CAPS2: variants seen among roughly 807,000 people sequenced by gnomAD.
CAPS2 encodes the protein calcyphosin-2.
In CAPS2, 98 loss-of-function variants were observed where a neutral mutation model predicts 86.5. The ratio of observed to expected loss-of-function variants is 1.13; its 90% confidence interval spans 0.96 to 1.34. CAPS2 has a LOEUF of 1.34. Among genes scored for constraint, CAPS2 ranks in the 40% most tolerant of loss-of-function variants. The pLI is 0.00. For synonymous variants in CAPS2, 210 were observed against 225.1 expected (o/e 0.93, Z 0.60); for missense variants, 729 against 686.8 (o/e 1.06, Z -0.69).
intron 1 of CAPS2, among the ~76,000 whole-genome samples, chr12:75,339,248 C>A (rs1351234550): frequency 6.6e-6 from 1 of 152,094 alleles, no homozygotes; most frequent in Non-Finnish European, 1.5e-5. Context: ...TTTTTTCCCG[C>A]AACACTGCCA....
chr12:75,336,009 A>G (rs1161635214), intron 1 of CAPS2, among the ~76,000 whole-genome samples: 1 of 152,000 alleles, frequency 6.6e-6, no homozygotes, highest in Admixed American at 6.5e-5. Context: ...GCAAAATATG[A>G]TAACAATGAA....
upstream of CAPS2, among the ~76,000 whole-genome samples, chr12:75,331,081 G>T (rs974598735): frequency 3.3e-5 from 5 of 152,000 alleles, no homozygotes; most frequent in African/African-American, 1.2e-4. Context: ...CACCATGCCC[G>T]GCCTAAATAT....
chr12:75,279,063 G>T, exon 17 of CAPS2: 1 of 1,586,558 alleles, frequency 6.3e-7, no homozygotes, highest in Non-Finnish European at 8.6e-7. Context: ...TCTGTTGAAT[G>T]GCCTATAAAA....
At chr12:75,357,943 G>A (rs1243607803) in intron 1 of CAPS2, among the ~76,000 whole-genome samples, 1 of 148,468 alleles carries the variant, frequency 6.7e-6, no homozygotes, top group African/African-American at 2.5e-5. Flanking sequence ...AAGAAACTAG[G>A]GGACAAAAAA....
intron 1 of CAPS2, among the ~76,000 whole-genome samples, chr12:75,346,923 T>C (rs945508943): frequency 6.6e-6 from 1 of 152,114 alleles, no homozygotes; most frequent in Non-Finnish European, 1.5e-5. Context: ...AGTATTTTTT[T>C]CCCTTTTTTG....
At chr12:75,353,445 G>A (rs1182603105) in intron 1 of CAPS2, among the ~76,000 whole-genome samples, 2 of 152,158 alleles carry the variant, frequency 1.3e-5, no homozygotes, top group Non-Finnish European at 2.9e-5. Context: ...ACTGAACCAG[G>A]AAGAAGTTGA....
intron 1 of CAPS2, among the ~76,000 whole-genome samples, chr12:75,325,814 G>GT (rs755363520): frequency 3.9e-4 from 60 of 152,120 alleles, no homozygotes; most frequent in Non-Finnish European, 7.8e-4. Context: ...GTGAGGGGGG[G>GT]TAGGGCCAAG....
chr12:75,374,076 C>A (rs759744458), intron 1 of CAPS2, among the ~76,000 whole-genome samples: 16 of 152,182 alleles, frequency 1.1e-4, no homozygotes, highest in Non-Finnish European at 2.4e-4. Context: ...GATAGCAGGG[C>A]TTTGCTCCAA....
chr12:75,319,675 T>A (rs1235670800), intron 5 of CAPS2, among the ~76,000 whole-genome samples: 1 of 152,192 alleles, frequency 6.6e-6, no homozygotes, highest in East Asian at 1.9e-4. Flanking sequence ...AGTTGACTCA[T>A]GTATCATACT....
intron 15 of CAPS2, among the ~76,000 whole-genome samples, chr12:75,282,781 TA>T (rs1179650239): frequency 6.6e-6 from 1 of 152,202 alleles, no homozygotes; most frequent in African/African-American, 2.4e-5. Flanking sequence ...CAAGACATTT[TA>T]AAAGTACTAT....
chr12:75,328,694 T>A (rs1277712345), upstream of CAPS2, among the ~76,000 whole-genome samples: 1 of 152,226 alleles, frequency 6.6e-6, no homozygotes, highest in African/African-American at 2.4e-5. Context: ...TTCAATTAGA[T>A]AAGATGTTTA....
chr12:75,365,714 T>C (rs986244463), intron 1 of CAPS2, among the ~76,000 whole-genome samples: 2 of 152,136 alleles, frequency 1.3e-5, no homozygotes, highest in African/African-American at 4.8e-5. Flanking sequence ...ACCTACAGTA[T>C]TTATAAAAAC....
intron 1 of CAPS2, among the ~76,000 whole-genome samples, chr12:75,342,059 T>C (rs566877322): frequency 3.8e-4 from 58 of 152,260 alleles, no homozygotes; most frequent in African/African-American, 1.3e-3. Flanking sequence ...TTATACAACA[T>C]TCTTGAAATA....
At chr12:75,357,499 A>C (rs2043229203) in intron 1 of CAPS2, among the ~76,000 whole-genome samples, 1 of 152,102 alleles carries the variant, frequency 6.6e-6, no homozygotes, top group Non-Finnish European at 1.5e-5. Context: ...GAACACTCTC[A>C]AGCAACTTTA....
At chr12:75,375,527 T>A (rs985189396) in intron 1 of CAPS2, among the ~76,000 whole-genome samples, 2 of 152,204 alleles carry the variant, frequency 1.3e-5, no homozygotes, top group African/African-American at 4.8e-5. Flanking sequence ...TTCAAGGGGA[T>A]CCAGCCTCCT....
Position 75,388,984 on chromosome 12 carries a change from TA to T in CAPS2, c.-395+1853del, listed in dbSNP as rs887699599. The stretch of plus-strand genomic sequence containing the variant: ...AGTCTATTTTTAGAAAAGGAATTGG[TA>T]AAAAAAACAAAACAAAACAAAAAAA... On this transcript the variant is annotated intron_variant, in intron 1 of 5. Transcript: ENST00000551829. Among the ~76,000 whole-genome samples the T allele has an allele frequency of 6.6e-5, 10 of 151,784 alleles. No individual in the cohort carries two copies. In the South Asian group the frequency reaches 1.5e-3, roughly 22 times the overall value.
intron 2 of CAPS2, 37 bp from the exon 4 acceptor site, chr12:75,323,259 A>T (rs1319876913): frequency 6.7e-7 from 1 of 1,488,440 alleles, no homozygotes; most frequent in Non-Finnish European, 9.1e-7. Context: ...TAACTTTTTA[A>T]CATGAAACTT....
chr12:75,347,156 T>C (rs1290670880), intron 1 of CAPS2, among the ~76,000 whole-genome samples: 1 of 152,018 alleles, frequency 6.6e-6, no homozygotes, highest in Non-Finnish European at 1.5e-5. Context: ...ACCTATGTCT[T>C]GTGACTTGAC....
intron 1 of CAPS2, among the ~76,000 whole-genome samples, chr12:75,335,439 A>G (rs2041662041): frequency 6.6e-6 from 1 of 152,196 alleles, no homozygotes; most frequent in Non-Finnish European, 1.5e-5. Context: ...AATTTACAAA[A>G]TTTTAAATAC....
Sources: gnomAD v4.1 joint callset for allele counts (sites outside exome capture counted in the v4.1 genomes callset) on GRCh38, gnomAD v4.1.1 for gene constraint, MANE v1.5 for transcripts, NCBI Gene and HGNC (gene_info 2026-07-23, HGNC 2026-07-21) for gene names.